Variants in CDK8 observed in about 807,000 individuals in gnomAD.
CDK8 encodes cyclin dependent kinase 8.
CDK8 carries 29 observed loss-of-function variants against 71.5 expected under a neutral mutation model. The ratio of observed to expected loss-of-function variants is 0.41; its 90% CI spans 0.30 to 0.55. The LOEUF (loss-of-function observed/expected upper bound fraction) is 0.55. CDK8 is among the 20% of genes least tolerant of loss of function. CDK8 has a pLI of 0.37. For synonymous variants in CDK8, 161 were observed against 192.1 expected (o/e 0.84, Z 1.34); for missense variants, 288 against 572.6 (o/e 0.50, Z 5.07).
At chr13:26,386,469 A>G (rs1875482468) in intron 6 of CDK8, among the ~76,000 whole-genome samples, 1 of 152,158 alleles carries the variant, frequency 6.6e-6, no homozygotes, top group Admixed American at 6.5e-5. Flanking sequence ...TTTACTGGGT[A>G]ACTGCATCCT....
intron 1 of CDK8, among the ~76,000 whole-genome samples, chr13:26,323,392 C>G (rs2769315): frequency 0.83 from 125,253 of 150,524 alleles, 53,833 homozygotes; most frequent in East Asian, 0.99. Flanking sequence ...AGCAAGCGCT[C>G]TGGTTTCTCT....
At chr13:26,355,530 C>T (rs1280732568) in intron 4 of CDK8, among the ~76,000 whole-genome samples, 1 of 152,158 alleles carries the variant, frequency 6.6e-6, no homozygotes, top group Admixed American at 6.5e-5. Context: ...CAGAGAATTA[C>T]TTGAACGCAG....
At chr13:26,336,424 T>C (rs892971518) in intron 1 of CDK8, among the ~76,000 whole-genome samples, 1 of 152,096 alleles carries the variant, frequency 6.6e-6, no homozygotes, top group African/African-American at 2.4e-5. Context: ...GGATATAATA[T>C]TGATAGATAT....
chr13:26,291,996 T>C (rs1873325953), intron 1 of CDK8, among the ~76,000 whole-genome samples: 1 of 152,238 alleles, frequency 6.6e-6, no homozygotes, highest in South Asian at 2.1e-4. Flanking sequence ...AAAATGTCTA[T>C]TCAATTTTAT....
chr13:26,255,148 C>T (rs188392993), intron 1 of CDK8, among the ~76,000 whole-genome samples: 1 of 152,094 alleles, frequency 6.6e-6, no homozygotes, highest in East Asian at 1.9e-4. Context: ...TTTCCTCACC[C>T]GCCTCTGGAG....
chr13:26,326,593 C>G (rs1052549193), intron 1 of CDK8, among the ~76,000 whole-genome samples: 11 of 152,194 alleles, frequency 7.2e-5, no homozygotes, highest in Admixed American at 2.0e-4. Context: ...CTATATCTGT[C>G]TCTAAGATCA....
intron 1 of CDK8, among the ~76,000 whole-genome samples, chr13:26,281,989 T>G (rs1872771162): frequency 6.6e-6 from 1 of 151,350 alleles, no homozygotes; most frequent in South Asian, 2.1e-4. Context: ...AAGATAAGGC[T>G]TACAAATTAA....
rs1295455313 is a variant in CDK8 at position 26,356,371 on chromosome 13, G to A, written c.456+2491G>A. ...TTATTAATCCAAAAAGTTCTGCAGT[G>A]TCTGCTGCTATCTTCTTTGATTTCC... is the stretch of plus-strand genomic sequence containing the variant. On this transcript the variant is annotated intron_variant, in intron 4 of 12. Coordinates refer to ENST00000381527, the MANE Select transcript of CDK8 (RefSeq NM_001260.3). 2.6e-5 allele frequency among the ~76,000 whole-genome samples: 4 copies of A among 152,232 alleles called. No homozygotes were observed. In the South Asian group the frequency reaches 6.2e-4, roughly 24 times the overall value.
intron 4 of CDK8, among the ~76,000 whole-genome samples, chr13:26,370,513 G>C (rs1327979010): frequency 6.6e-6 from 1 of 152,172 alleles, no homozygotes; most frequent in Non-Finnish European, 1.5e-5. Context: ...AGCATCAAAA[G>C]TATGTATCCC....
intron 4 of CDK8, 52 bp from the exon 5 acceptor site, chr13:26,382,762 T>C: frequency 8.9e-7 from 1 of 1,128,018 alleles, no homozygotes; most frequent in Non-Finnish European, 1.3e-6. Flanking sequence ...ATTGTCTATT[T>C]AAAAGAAACC....
chr13:26,329,124 G>A (rs957196365), intron 1 of CDK8, among the ~76,000 whole-genome samples: 8 of 151,914 alleles, frequency 5.3e-5, no homozygotes, highest in East Asian at 1.9e-4. Flanking sequence ...TATACTTATC[G>A]TCCTTATGTC....
chr13:26,379,712 G>A (rs1182720014), intron 4 of CDK8, among the ~76,000 whole-genome samples: 2 of 152,320 alleles, frequency 1.3e-5, no homozygotes, highest in East Asian at 1.9e-4. Flanking sequence ...GCCAGATACG[G>A]AGAGAATCTT....
intron 1 of CDK8, among the ~76,000 whole-genome samples, chr13:26,286,224 C>A (rs1278526565): frequency 1.3e-5 from 2 of 152,182 alleles, no homozygotes; most frequent in Admixed American, 6.5e-5. Flanking sequence ...GCAAAAAGAA[C>A]AAATCTGGAG....
intron 1 of CDK8, among the ~76,000 whole-genome samples, chr13:26,309,141 ATT>A (rs71080250): frequency 0.01 from 1,339 of 128,866 alleles, 7 homozygotes; most frequent in Middle Eastern, 0.021. Context: ...ATGTATATAG[ATT>A]TTTTTTTTTT....
At chr13:26,369,322 T>C (rs1207976379) in intron 4 of CDK8, among the ~76,000 whole-genome samples, 2 of 150,810 alleles carry the variant, frequency 1.3e-5, no homozygotes, top group Non-Finnish European at 3.0e-5. Context: ...TGGTGATGCA[T>C]GCCTGTGGTC....
intron 1 of CDK8, among the ~76,000 whole-genome samples, chr13:26,257,478 A>G (rs1311720361): frequency 6.6e-6 from 1 of 152,200 alleles, no homozygotes; most frequent in East Asian, 1.9e-4. Flanking sequence ...ATTTCACATT[A>G]TAATAGAGTT....
rs564854819 is a variant in CDK8 at position 26,359,070 on chromosome 13, A to G, written c.456+5190A>G. Reference sequence around the variant, plus strand: ...ATTTCTTTTGGGTAAGAAAATTGACATATGTACAAGGATGAACCTTGAGGA... The same window carrying G: ...ATTTCTTTTGGGTAAGAAAATTGACGTATGTACAAGGATGAACCTTGAGGA... On this transcript the variant is annotated intron_variant, in intron 4 of 12. Coordinates refer to ENST00000381527, the MANE Select transcript of CDK8 (RefSeq NM_001260.3). 15 of 287,052 alleles carry G rather than the reference A, an allele frequency of 5.2e-5. No individual in the cohort carries two copies. The East Asian group carries it at 1.8e-3, about 34-fold the overall frequency. The allele number at this position is 287,052 out of a possible 1,614,324, so 17.8% of individuals were successfully genotyped here.
At chr13:26,395,069 A>G (rs555835876) in intron 7 of CDK8, among the ~76,000 whole-genome samples, 3 of 152,366 alleles carry the variant, frequency 2.0e-5, no homozygotes, top group African/African-American at 7.2e-5. Context: ...AAAATAGTTA[A>G]GGAGAAAATT....
rs973108537 is a variant in CDK8 at position 26,254,994 on chromosome 13, C to T, written c.128+225C>T. Among the ~76,000 whole-genome samples the T allele has an allele frequency of 2.0e-5, 3 of 152,146 alleles. No individual in the cohort carries two copies. The highest frequency in any genetic ancestry group is 7.2e-5 in the African/African-American group (3 of 41,438). ...TGTGTTCTGCTCTGGTGGTAAGAGGCAAGATGAGCCTCTGCACCGTGGGCT... is the reference window on the plus strand; with the variant it reads ...TGTGTTCTGCTCTGGTGGTAAGAGGTAAGATGAGCCTCTGCACCGTGGGCT... On this transcript the variant is annotated intron_variant, in intron 1 of 12. Transcript: ENST00000381527. The surrounding 1 kb of genome is among the most constrained non-coding windows in gnomAD (Gnocchi z 6.7).
Sources: gnomAD v4.1 joint callset for allele counts (sites outside exome capture counted in the v4.1 genomes callset) on GRCh38, gnomAD v4.1.1 for gene constraint, Gnocchi (gnomAD v3.1) non-coding constraint, MANE v1.5 for transcripts, NCBI Gene and HGNC (gene_info 2026-07-23, HGNC 2026-07-21) for gene names.